Variants in PRKN observed in about 807,000 individuals in gnomAD.
PRKN encodes the protein E3 ubiquitin-protein ligase parkin.
Under a neutral mutation model 59.5 loss-of-function variants are expected in PRKN, and 56 were observed. That is an observed-to-expected ratio of 0.94 (90% CI 0.76 to 1.18). The LOEUF (loss-of-function observed/expected upper bound fraction) is 1.18, where lower values mean the gene tolerates loss of function less well. Ranked by LOEUF, PRKN falls within the 50% of genes most tolerant of loss-of-function variation. PRKN has a pLI of 0.00. For synonymous variants in PRKN, 250 were observed against 222.1 expected (o/e 1.13, Z -1.12); for missense variants, 657 against 596.4 (o/e 1.10, Z -1.06).
intron 3 of PRKN, among the ~76,000 whole-genome samples, chr6:162,252,662 A>T (rs534007316): frequency 6.6e-6 from 1 of 152,316 alleles, no homozygotes; most frequent in African/African-American, 2.4e-5. Flanking sequence ...GGCACCATCT[A>T]TGAACCAGCA....
intron 2 of PRKN, among the ~76,000 whole-genome samples, chr6:162,419,671 T>C (rs1421941282): frequency 1.3e-5 from 2 of 152,146 alleles, no homozygotes; most frequent in African/African-American, 4.8e-5. Context: ...AGGGGGATTT[T>C]ACTTTTTGAA....
chr6:161,956,838 A>G (rs1784595), intron 6 of PRKN, among the ~76,000 whole-genome samples: 40,281 of 152,088 alleles, frequency 0.26, 5,613 homozygotes, highest in East Asian at 0.32. Context: ...ACTGTTCTAT[A>G]TAAATTCTGT....
intron 6 of PRKN, among the ~76,000 whole-genome samples, chr6:161,910,454 T>G (rs1397973761): frequency 2.6e-5 from 4 of 151,976 alleles, no homozygotes; most frequent in African/African-American, 9.7e-5. Context: ...GGGGTTTCAC[T>G]GTGTTGGCCA....
chr6:162,418,454 T>C lies in PRKN; in HGVS notation c.171+24856A>G, dbSNP rs58798498. On this transcript the variant is annotated intron_variant, in intron 2 of 11. Coordinates refer to ENST00000366898, the MANE Select transcript of PRKN (RefSeq NM_004562.3). Reference sequence around the variant, plus strand: ...AACGCTCCCAAGATACTAAAAACCATAGAATGGTATGCTTAAATGGGTGAA... The same window carrying C: ...AACGCTCCCAAGATACTAAAAACCACAGAATGGTATGCTTAAATGGGTGAA... Among the ~76,000 whole-genome samples the C allele has an allele frequency of 4.0e-3, 603 of 152,132 alleles. 7 individuals carry two copies. Among genetic ancestry groups the C allele is most frequent in the African/African-American group, 0.014 (577 of 41,500 alleles).
chr6:162,528,776 T>A (rs541986820), intron 1 of PRKN, among the ~76,000 whole-genome samples: 3 of 151,614 alleles, frequency 2.0e-5, no homozygotes, highest in Admixed American at 6.6e-5. Context: ...CCAGCCTGGA[T>A]GACAGAGTGA....
rs1788604154 is a variant in PRKN, at chr6:161,430,789, T to C, written c.1084-43912A>G. Among the ~76,000 whole-genome samples, 8 of 118,792 alleles carry C rather than the reference T, an allele frequency of 6.7e-5. No individual in the cohort carries two copies. The Admixed American group carries it at 9.8e-4, about 15-fold the overall frequency. The allele number at this position is 118,792 out of a possible 152,430, so 77.9% of individuals were successfully genotyped here. A position where few individuals can be genotyped will look rare whatever the true frequency, so the allele number is the denominator to read the frequency against. ...AAGATTGCGCCACTGCACTCCAGCCTGGGCAACACAGCCAGACTCCGTCTC... is the reference window on the plus strand; with the variant it reads ...AAGATTGCGCCACTGCACTCCAGCCCGGGCAACACAGCCAGACTCCGTCTC... On this transcript the variant is annotated intron_variant, in intron 9 of 11. Transcript: ENST00000366898.
At chr6:162,572,410 T>C (rs892240338) in intron 1 of PRKN, among the ~76,000 whole-genome samples, 6 of 152,200 alleles carry the variant, frequency 3.9e-5, no homozygotes, top group Admixed American at 6.5e-5. Flanking sequence ...CTGACATTAA[T>C]TGGCTTTGTA....
At chr6:162,134,587 G>T (rs1301079451) in intron 4 of PRKN, among the ~76,000 whole-genome samples, 1 of 152,154 alleles carries the variant, frequency 6.6e-6, no homozygotes, top group Non-Finnish European at 1.5e-5. Flanking sequence ...AGGAATAAAT[G>T]AAGGCAGAAG....
At chr6:161,836,239 TCC>T in intron 6 of PRKN, among the ~76,000 whole-genome samples, 1 of 152,286 alleles carries the variant, frequency 6.6e-6, no homozygotes, top group East Asian at 1.9e-4. Flanking sequence ...TTTTAAAATT[TCC>T]ACACAGGGTC....
intron 7 of PRKN, among the ~76,000 whole-genome samples, chr6:161,645,967 A>G (rs534627889): frequency 2.9e-4 from 40 of 138,988 alleles, no homozygotes; most frequent in African/African-American, 1.0e-3. Flanking sequence ...CGTATCAGTG[A>G]CAGTGGTCAC....
At chr6:162,697,614 A>T (rs929900461) in intron 1 of PRKN, among the ~76,000 whole-genome samples, 6 of 152,296 alleles carry the variant, frequency 3.9e-5, no homozygotes, top group African/African-American at 1.4e-4. Flanking sequence ...TGCCTTCTAT[A>T]TATGCTATGG....
Position 161,410,227 on chromosome 6 carries a change from G to C in PRKN, c.1084-23350C>G, listed in dbSNP as rs1023476216. On this transcript the variant is annotated intron_variant, in intron 9 of 11. Coordinates refer to ENST00000366898, the MANE Select transcript of PRKN (RefSeq NM_004562.3). The surrounding 1 kb of genome is among the most constrained non-coding windows in gnomAD (Gnocchi z 5.3). ...TCTGAAGGAGAGTGAACATGAGTGA[G>C]AGTACGAGCATGTCTCAGCTGGTAG... Among the ~76,000 whole-genome samples the C allele has an allele frequency of 6.6e-6, 1 of 152,154 alleles. No homozygotes were observed. The highest frequency in any genetic ancestry group is 2.4e-5 in the African/African-American group (1 of 41,428).
At position 161,587,028 on chromosome 6, in the gene PRKN, C is replaced by T. The variant is rs114779337; in HGVS notation, c.872-17612G>A. 7.9e-3 allele frequency among the ~76,000 whole-genome samples: 1,201 copies of T among 152,260 alleles called. 14 individuals carry two copies. Among genetic ancestry groups the T allele is most frequent in the African/African-American group, 0.027 (1,138 of 41,554 alleles). ...ACTGCCTTGTTTTCACTACACTTAC[C>T]GCTATTGAGGGGCCTTAAAATAGCT... On this transcript the variant is annotated intron_variant, in intron 7 of 11. Coordinates refer to ENST00000366898, the MANE Select transcript of PRKN (RefSeq NM_004562.3).
At chr6:162,112,992 T>C (rs1780507685) in intron 4 of PRKN, among the ~76,000 whole-genome samples, 1 of 152,078 alleles carries the variant, frequency 6.6e-6, no homozygotes, top group South Asian at 2.1e-4. Flanking sequence ...ACCGATTTCA[T>C]CGTTTAAAAC....
At chr6:162,587,219 T>C (rs980438600) in intron 1 of PRKN, among the ~76,000 whole-genome samples, 16 of 152,154 alleles carry the variant, frequency 1.1e-4, no homozygotes, top group African/African-American at 3.9e-4. Flanking sequence ...TCATTCAACC[T>C]CTGCCTCCTG....
At chr6:161,351,081 A>G (rs1408232335) in intron 11 of PRKN, among the ~76,000 whole-genome samples, 1 of 114,162 alleles carries the variant, frequency 8.8e-6, no homozygotes. Flanking sequence ...AAATATATAT[A>G]AATATATTTT....
intron 8 of PRKN, among the ~76,000 whole-genome samples, chr6:161,564,072 T>C (rs1277682094): frequency 1.3e-5 from 2 of 152,218 alleles, no homozygotes; most frequent in Non-Finnish European, 2.9e-5. Flanking sequence ...GACATTAATA[T>C]AAACATTTTA....
intron 7 of PRKN, among the ~76,000 whole-genome samples, chr6:161,759,037 C>T (rs1038071340): frequency 5.3e-5 from 8 of 152,122 alleles, no homozygotes; most frequent in Non-Finnish European, 7.4e-5. Flanking sequence ...ATTAGCCAGG[C>T]GTGGTGGTGG....
In PRKN at chr6:161,965,879, A is replaced by AT. The variant is rs574702799; in HGVS notation, c.734+7422dup. The stretch of plus-strand genomic sequence containing the variant: ...ACCAAGGTTCTTCTGAGGTCTTATA[A>AT]TGGCTACCCTTAGAGACAATAGAGG... On this transcript the variant is annotated intron_variant, in intron 6 of 11. Transcript: ENST00000366898. 9.2e-5 allele frequency among the ~76,000 whole-genome samples: 14 copies of AT among 152,196 alleles called. No homozygotes were observed. The South Asian group carries it at 2.9e-3, about 32-fold the overall frequency.
Sources: allele counts gnomAD v4.1 joint callset (sites outside exome capture counted in the v4.1 genomes callset), GRCh38; gene constraint gnomAD v4.1.1; non-coding constraint Gnocchi (gnomAD v3.1); transcripts MANE v1.5; gene names NCBI Gene and HGNC (gene_info 2026-07-23, HGNC 2026-07-21).